The following PRDM10 variants were observed in gnomAD, a reference collection of about 807,000 sequenced individuals.
The protein encoded by PRDM10 is PR/SET domain 10.
PRDM10 carries 65 observed loss-of-function variants against 133.1 expected under a neutral mutation model. That is an observed-to-expected ratio of 0.49 (90% CI 0.40 to 0.60). The LOEUF (loss-of-function observed/expected upper bound fraction) is 0.60. Among genes scored for constraint, PRDM10 ranks in the 20% least tolerant of loss-of-function variants. The pLI is 0.00. For missense variants in PRDM10, 1,137 were observed against 1,507.1 expected, an observed-to-expected ratio of 0.75 and a Z score of 4.07; for synonymous variants, 582 against 580.4, an observed-to-expected ratio of 1.00 and a Z score of -0.04.
chr11:129,936,523 G>T (rs931266189), intron 8 of PRDM10, among the ~76,000 whole-genome samples: 2 of 152,036 alleles, frequency 1.3e-5, no homozygotes, highest in South Asian at 2.1e-4. Flanking sequence ...CATGGTGGAG[G>T]GCGCCTGTAG....
intron 17 of PRDM10, among the ~76,000 whole-genome samples, chr11:129,913,219 C>CAAAAAAAAAAAAA (rs750114740): frequency 1.3e-5 from 1 of 78,880 alleles, no homozygotes; most frequent in Non-Finnish European, 2.4e-5. Context: ...ACCCTGTCTC[C>CAAAAAAAAAAAAA]AAAAAAAAAA....
At position 129,944,806 on chromosome 11, in the gene PRDM10, C is replaced by A. The variant is rs1951351144; in HGVS notation, c.727G>T (p.Gly243Cys). 2 of 1,613,806 alleles carry A rather than the reference C, an allele frequency of 1.2e-6. No individual in the cohort carries two copies. Among genetic ancestry groups the A allele is most frequent in the African/African-American group, 1.3e-5 (1 of 74,878 alleles). The change falls in exon 6 of 21, where the codon GGC becomes TGC. Residue 243 changes from glycine to cysteine, a missense_variant. Gly to Cys is a radical substitution (Grantham distance 159). Transcript: ENST00000360871. ...ATGTAACAGTCTTTCAGCTCCGAGCCCCTGACGAGAGGCCCCTCCACGGGG... is the reference window on the plus strand; with the variant it reads ...ATGTAACAGTCTTTCAGCTCCGAGCACCTGACGAGAGGCCCCTCCACGGGG... ...FGPVEGPLVR[G>C]SELKDCYIHL...
At chr11:129,910,721 T>C in intron 18 of PRDM10, 65 bp from the exon 19 acceptor site, 1 of 1,323,726 alleles carries the variant, frequency 7.6e-7, no homozygotes, top group Non-Finnish European at 1.0e-6. Context: ...GACTCACAAA[T>C]AACTGAAGGA....
chr11:129,916,237 G>A (rs1950352672), intron 15 of PRDM10, among the ~76,000 whole-genome samples: 1 of 152,212 alleles, frequency 6.6e-6, no homozygotes. Context: ...GTACGCAGCT[G>A]AAGACCAGGA....
chr11:129,985,780 CAAAAAAAAAAAAAAAA>C (rs1159728991), intron 1 of PRDM10, among the ~76,000 whole-genome samples: 26 of 26,760 alleles, frequency 9.7e-4, no homozygotes, highest in African/African-American at 2.2e-3. Context: ...AAACCCTGTC[CAAAAAAAAAAAAAAAA>C]AAAAAAAAAA....
chr11:129,914,976 C>T lies in PRDM10; in HGVS notation c.2569G>A (p.Ala857Thr), dbSNP rs1398258047. The change falls in exon 17 of 21, where the codon GCC becomes ACC. Residue 857 changes from alanine (A) to threonine (T), a missense_variant. Coordinates refer to ENST00000360871, the MANE Select transcript of PRDM10 (RefSeq NM_199437.2). ...GTGTGTATGGTGTTGGAGAGCTGGG[C>T]GAACTCTGGATGCTTCTTTCGAATG... ...QHIRKKHPEF[A>T]QLSNTIHTPL... is the part of the protein sequence containing the mutation. 8.7e-6 allele frequency: 14 copies of T among 1,608,520 alleles called. No individual in the cohort carries two copies. Among genetic ancestry groups the T allele is most frequent in the Admixed American group, 1.7e-5 (1 of 59,936 alleles).
intron 17 of PRDM10, among the ~76,000 whole-genome samples, chr11:129,914,189 A>G (rs1284191829): frequency 4.6e-5 from 7 of 152,158 alleles, no homozygotes; most frequent in Admixed American, 2.6e-4. Context: ...TTTAGTAGAG[A>G]CGAGATTTTG....
chr11:129,923,438 G>A lies in PRDM10; in HGVS notation c.1879-35C>T, dbSNP rs368748128. The A allele has an allele frequency of 7.0e-6, 11 of 1,580,254 alleles. No individual in the cohort carries two copies. The highest frequency in any genetic ancestry group is 1.4e-5 in the African/African-American group (1 of 73,802). On this transcript the variant is annotated intron_variant, in intron 12 of 20. Transcript: ENST00000360871. This position sits in a 1 kb window ranked among gnomAD's most constrained non-coding sequence, Gnocchi z 4.4. ...AGAACCACAGGAAAATTCAGGGGACGCAGGCACCAAATGAAATGACCAAAG... is the reference window on the plus strand; with the variant it reads ...AGAACCACAGGAAAATTCAGGGGACACAGGCACCAAATGAAATGACCAAAG...
chr11:129,960,785 C>A (rs1319574435), intron 2 of PRDM10, 111 bp downstream of exon 2: 1 of 1,083,380 alleles, frequency 9.2e-7, no homozygotes, highest in Admixed American at 2.0e-5. Flanking sequence ...TTCTTCATGT[C>A]GGCTCCTAAC....
Position 129,931,658 on chromosome 11 carries a change from C to T in PRDM10, c.1288-400G>A, listed in dbSNP as rs552853068. Among the ~76,000 whole-genome samples, 854 of 151,914 alleles carry T rather than the reference C, an allele frequency of 5.6e-3. 11 individuals are homozygous for T. Among genetic ancestry groups the T allele is most frequent in the African/African-American group, 0.019 (806 of 41,426 alleles). ...TCTCGACTCACTGCAAGCTCCGCCT[C>T]CCGGTTCACGCCATTCTCCTGCCTC... On this transcript the variant is annotated intron_variant, in intron 10 of 20. Transcript: ENST00000360871.
intron 1 of PRDM10, among the ~76,000 whole-genome samples, chr11:129,961,292 TG>T (rs916484253): frequency 2.6e-5 from 4 of 151,714 alleles, no homozygotes; most frequent in Non-Finnish European, 5.9e-5. Flanking sequence ...GGGGTTTTTT[TG>T]GGGGGGTGAG....
At position 129,899,866 on chromosome 11, in the gene PRDM10, G is replaced by A. The variant is rs920183044; in HGVS notation, c.*2447C>T. ...TAGGGTCAACATTTTCAACCAGTGG[G>A]TCAGCTTTAGCATCTCATGAAGTGC... On this transcript the variant is annotated 3_prime_UTR_variant, in exon 21 of 21. Coordinates refer to ENST00000360871, the MANE Select transcript of PRDM10 (RefSeq NM_199437.2). 2.0e-5 allele frequency: 3 copies of A among 152,610 alleles called. No homozygotes were observed. Among genetic ancestry groups the A allele is most frequent in the African/African-American group, 4.8e-5 (2 of 41,438 alleles). The allele number at this position is 152,610 out of a possible 1,614,324, so 9.5% of individuals were successfully genotyped here.
intron 1 of PRDM10, among the ~76,000 whole-genome samples, chr11:129,970,683 T>C (rs1952001336): frequency 6.6e-6 from 1 of 152,024 alleles, no homozygotes. Flanking sequence ...TAGCTGGGAT[T>C]ATAGGTGTCC....
At chr11:129,976,701 G>A (rs1198037411) in intron 1 of PRDM10, among the ~76,000 whole-genome samples, 1 of 152,282 alleles carries the variant, frequency 6.6e-6, no homozygotes, top group East Asian at 1.9e-4. Flanking sequence ...CGTAATAGAA[G>A]GAGAGAGTTT....
At chr11:129,910,734 T>G in intron 18 of PRDM10, 78 bp from the exon 19 acceptor site, 106 of 1,177,156 alleles carry the variant, frequency 9.0e-5, no homozygotes, top group Non-Finnish European at 1.1e-4. Flanking sequence ...CTGAAGGAAG[T>G]ACACCAGACT....
Position 129,955,506 on chromosome 11 carries a change from C to T in PRDM10, c.294+6G>A, listed in dbSNP as rs781537212. 30 of 1,613,710 alleles carry T rather than the reference C, an allele frequency of 1.9e-5. No homozygotes were observed. Among genetic ancestry groups the T allele is most frequent in the Non-Finnish European group, 2.5e-5 (30 of 1,179,836 alleles). ...ATCCCCAAACAAGAAAAAGGCAGTTCGTTACCTGCTGAGCTGTAGCATCCT... is the reference window on the plus strand; with the variant it reads ...ATCCCCAAACAAGAAAAAGGCAGTTTGTTACCTGCTGAGCTGTAGCATCCT... On this transcript the variant is annotated splice_donor_region_variant and intron_variant, in intron 4 of 20. Coordinates refer to ENST00000360871, the MANE Select transcript of PRDM10 (RefSeq NM_199437.2).
intron 3 of PRDM10, 25 bp from the exon 4 acceptor site, chr11:129,955,596 T>G (rs1183970154): frequency 6.2e-6 from 10 of 1,610,424 alleles, no homozygotes; most frequent in Non-Finnish European, 8.5e-6. Context: ...GAACAAAAAA[T>G]TATCAGTAGC....
Position 129,977,311 on chromosome 11 carries a change from G to T in PRDM10, c.-118-16229C>A, listed in dbSNP as rs575422951. Among the ~76,000 whole-genome samples, 567 of 147,376 alleles carry T rather than the reference G, an allele frequency of 3.8e-3. 2 individuals are homozygous for T. The highest frequency in any genetic ancestry group is 6.7e-3 in the Non-Finnish European group (444 of 66,564). ...ACACACACACACACATTGAGATGCAGTCTCACTCTGTCGCCAGGCTGGAAT... is the reference window on the plus strand; with the variant it reads ...ACACACACACACACATTGAGATGCATTCTCACTCTGTCGCCAGGCTGGAAT... On this transcript the variant is annotated intron_variant, in intron 1 of 20. Transcript: ENST00000360871.
At chr11:129,933,979 C>T (rs1265395490) in intron 9 of PRDM10, among the ~76,000 whole-genome samples, 1 of 152,200 alleles carries the variant, frequency 6.6e-6, no homozygotes, top group Non-Finnish European at 1.5e-5. Flanking sequence ...CAGTTCAATC[C>T]TTCCGGTGCT....
Sources: gnomAD v4.1 joint callset for allele counts (sites outside exome capture counted in the v4.1 genomes callset) on GRCh38, gnomAD v4.1.1 for gene constraint, Gnocchi (gnomAD v3.1) non-coding constraint, MANE v1.5 for transcripts, NCBI Gene and HGNC (gene_info 2026-07-23, HGNC 2026-07-21) for gene names.